Variants in CDKAL1 observed in about 807,000 individuals in gnomAD.
CDKAL1 encodes threonylcarbamoyladenosine tRNA methylthiotransferase.
A neutral mutation model predicts 68.2 loss-of-function variants in CDKAL1; 32 were observed. The ratio of observed to expected loss-of-function variants is 0.47; its 90% CI spans 0.35 to 0.63. CDKAL1 has a LOEUF of 0.63. Among genes scored for constraint, CDKAL1 ranks in the 30% least tolerant of loss-of-function variants. The pLI is 0.00. For missense variants in CDKAL1, 606 were observed against 696.7 expected (o/e 0.87, Z 1.47); for synonymous variants, 234 against 244.3 (o/e 0.96, Z 0.39).
intron 5 of CDKAL1, among the ~76,000 whole-genome samples, chr6:20,685,922 T>C (rs1227915670): frequency 1.3e-5 from 2 of 152,124 alleles, no homozygotes; most frequent in Non-Finnish European, 2.9e-5. Context: ...CATGTACCTA[T>C]TTTGTTAGGG....
intron 5 of CDKAL1, among the ~76,000 whole-genome samples, chr6:20,702,854 C>T (rs779615463): frequency 1.3e-5 from 2 of 152,120 alleles, no homozygotes; most frequent in African/African-American, 2.4e-5. Context: ...CCAGGGGCCA[C>T]GCCCTTCTCT....
intron 8 of CDKAL1, among the ~76,000 whole-genome samples, chr6:20,818,335 C>T (rs778375715): frequency 6.6e-6 from 1 of 152,084 alleles, no homozygotes; most frequent in Non-Finnish European, 1.5e-5. Context: ...ACATACTATA[C>T]AGCAATAAAC....
chr6:21,000,207 T>C lies in CDKAL1; in HGVS notation c.910-20T>C. On this transcript the variant is annotated intron_variant, in intron 10 of 15. Transcript: ENST00000274695. Reference sequence around the variant, plus strand: ...CAATTTGTTAAAATGATTAGTGTTTTCTCCTTCCATTTTTTTAAGGAAATG... The same window carrying C: ...CAATTTGTTAAAATGATTAGTGTTTCCTCCTTCCATTTTTTTAAGGAAATG... 6.2e-7 allele frequency: 1 copy of C among 1,605,328 alleles called. No homozygotes were observed. Among genetic ancestry groups the C allele is most frequent in the Non-Finnish European group, 8.5e-7 (1 of 1,174,364 alleles).
intron 4 of CDKAL1, among the ~76,000 whole-genome samples, chr6:20,561,786 TTTTATC>T (rs1218295374): frequency 2.0e-5 from 3 of 152,220 alleles, no homozygotes; most frequent in Non-Finnish European, 2.9e-5. Flanking sequence ...ATTTTATTCT[TTTTATC>T]TTTAAGTTAG....
At chr6:20,711,177 G>A (rs933490575) in intron 5 of CDKAL1, among the ~76,000 whole-genome samples, 3 of 152,054 alleles carry the variant, frequency 2.0e-5, no homozygotes, top group African/African-American at 2.4e-5. Flanking sequence ...TTCTGTCCTC[G>A]GTGTATACAG....
chr6:20,859,254 G>T (rs534810726), intron 9 of CDKAL1, among the ~76,000 whole-genome samples: 15 of 150,888 alleles, frequency 9.9e-5, no homozygotes, highest in South Asian at 6.3e-4. Context: ...CTCCAGCCTG[G>T]GTGACAAAGT....
chr6:21,000,885 A>C (rs1767393013), intron 11 of CDKAL1, among the ~76,000 whole-genome samples: 1 of 152,242 alleles, frequency 6.6e-6, no homozygotes, highest in African/African-American at 2.4e-5. Flanking sequence ...TGAGGATTCT[A>C]CTTTTTAAAG....
chr6:21,099,259 T>C (rs76262765), intron 12 of CDKAL1, among the ~76,000 whole-genome samples: 10,649 of 152,216 alleles, frequency 0.07, 404 homozygotes, highest in South Asian at 0.099. Context: ...TTCAGCTTTA[T>C]AGGCCATACA....
At chr6:21,048,413 T>C (rs1044891922) in intron 11 of CDKAL1, among the ~76,000 whole-genome samples, 1 of 152,148 alleles carries the variant, frequency 6.6e-6, no homozygotes, top group Non-Finnish European at 1.5e-5. Flanking sequence ...TAATTATAAA[T>C]CTGGGTTTTG....
At chr6:20,727,133 A>T (rs1772691667) in intron 5 of CDKAL1, among the ~76,000 whole-genome samples, 1 of 152,198 alleles carries the variant, frequency 6.6e-6, no homozygotes, top group Non-Finnish European at 1.5e-5. Flanking sequence ...ATAGGAATTT[A>T]GAAAAATGCC....
intron 10 of CDKAL1, among the ~76,000 whole-genome samples, chr6:20,999,487 T>C (rs1316740960): frequency 6.6e-6 from 1 of 152,032 alleles, no homozygotes; most frequent in East Asian, 1.9e-4. Flanking sequence ...TTCACTTAAA[T>C]GTATTCTCTT....
intron 13 of CDKAL1, among the ~76,000 whole-genome samples, chr6:21,172,004 G>C (rs771736608): frequency 1.3e-5 from 2 of 152,114 alleles, no homozygotes; most frequent in Non-Finnish European, 2.9e-5. Context: ...ACTCATTCGA[G>C]AATCTCATGG....
intron 13 of CDKAL1, among the ~76,000 whole-genome samples, chr6:21,168,026 G>A (rs542380084): frequency 2.1e-4 from 32 of 152,304 alleles, no homozygotes; most frequent in African/African-American, 7.7e-4. Context: ...CCTGAGGAAT[G>A]GTTAAGTTAT....
intron 5 of CDKAL1, among the ~76,000 whole-genome samples, chr6:20,716,093 G>C (rs1024389180): frequency 6.6e-6 from 1 of 152,168 alleles, no homozygotes; most frequent in Admixed American, 6.6e-5. Context: ...GAGTTATTTG[G>C]CACTTGCAGT....
intron 13 of CDKAL1, among the ~76,000 whole-genome samples, chr6:21,136,554 A>C (rs1003612883): frequency 2.6e-5 from 4 of 152,252 alleles, no homozygotes; most frequent in African/African-American, 9.6e-5. Flanking sequence ...TTGAAAGCAC[A>C]AAGTATTCAG....
Position 20,992,031 on chromosome 6 carries a change from C to CTTTTTTTTTTTTTTTTT in CDKAL1, c.910-8190_910-8174dup, listed in dbSNP as rs71530401. 4.1e-3 allele frequency among the ~76,000 whole-genome samples: 412 copies of CTTTTTTTTTTTTTTTTT among 100,386 alleles called. 1 individual carries two copies. Among genetic ancestry groups the CTTTTTTTTTTTTTTTTT allele is most frequent in the Non-Finnish European group, 5.5e-3 (289 of 52,936 alleles). 65.9% of individuals were successfully genotyped at this position (100,386 alleles called of 152,430 possible). A position where few individuals can be genotyped will look rare whatever the true frequency, so the allele number is the denominator to read the frequency against. On this transcript the variant is annotated intron_variant, in intron 10 of 15. Transcript: ENST00000274695. ...TTTCCCCCACCTTTTTTTTTCTTTT[C>CTTTTTTTTTTTTTTTTT]TTTTTTTTTTTTTTTTTTTTTTGAG...
Position 20,761,312 on chromosome 6 carries a change from C to T in CDKAL1, c.517+2669C>T, listed in dbSNP as rs370836275. Among the ~76,000 whole-genome samples, 34 of 152,314 alleles carry T rather than the reference C, an allele frequency of 2.2e-4. 1 individual carries two copies. Among genetic ancestry groups the T allele is most frequent in the African/African-American group, 7.2e-4 (30 of 41,568 alleles). On this transcript the variant is annotated intron_variant, in intron 7 of 15. Transcript: ENST00000274695. ...AAGGATATGGAGCAACAGGAACTCT[C>T]ATTTATTGCTGGTGGTAATGCAAAA...
chr6:20,701,431 T>G (rs1771354858), intron 5 of CDKAL1, among the ~76,000 whole-genome samples: 1 of 152,214 alleles, frequency 6.6e-6, no homozygotes, highest in South Asian at 2.1e-4. Flanking sequence ...CTCTCTGATT[T>G]GCTCCAGTCC....
intron 13 of CDKAL1, among the ~76,000 whole-genome samples, chr6:21,190,222 T>A (rs974798822): frequency 6.6e-6 from 1 of 152,130 alleles, no homozygotes; most frequent in African/African-American, 2.4e-5. Flanking sequence ...GTCGAAAAAT[T>A]GTATTTTATT....
Sources: allele counts gnomAD v4.1 joint callset (sites outside exome capture counted in the v4.1 genomes callset), GRCh38; gene constraint gnomAD v4.1.1; transcripts MANE v1.5; gene names NCBI Gene and HGNC (gene_info 2026-07-23, HGNC 2026-07-21).